Variants in LUZP2 observed in about 807,000 individuals in gnomAD.
The protein encoded by LUZP2 is leucine zipper protein 2.
Under a neutral mutation model 51.6 loss-of-function variants are expected in LUZP2, and 52 were observed. The observed-to-expected ratio is 1.01, with a 90% confidence interval of 0.81 to 1.27. The LOEUF (loss-of-function observed/expected upper bound fraction) is 1.27, where lower values mean the gene tolerates loss of function less well. Ranked by LOEUF, LUZP2 falls within the 50% of genes most tolerant of loss-of-function variation. The probability of loss-of-function intolerance (pLI) is 0.00; values close to 1 mark genes in which losing one functional copy is unlikely to be tolerated. For synonymous variants in LUZP2, 154 were observed against 137.3 expected, an observed-to-expected ratio of 1.12 and a Z score of -0.85; for missense variants, 436 against 395.4, an observed-to-expected ratio of 1.10 and a Z score of -0.87.
chr11:24,705,446 G>A (rs1187049232), intron 1 of LUZP2, among the ~76,000 whole-genome samples: 2 of 152,210 alleles, frequency 1.3e-5, no homozygotes, highest in African/African-American at 4.8e-5. Flanking sequence ...AGTATATAGT[G>A]TTCTAAGATG....
intron 1 of LUZP2, among the ~76,000 whole-genome samples, chr11:24,706,999 T>TA (rs756567659): frequency 0.16 from 9,973 of 61,826 alleles, 1,055 homozygotes; most frequent in African/African-American, 0.4. Flanking sequence ...TTGCTAAAAA[T>TA]AAAAAAAAAA....
intron 5 of LUZP2, among the ~76,000 whole-genome samples, chr11:24,888,440 A>G (rs533129182): frequency 5.9e-5 from 9 of 152,280 alleles, no homozygotes; most frequent in African/African-American, 2.2e-4. Flanking sequence ...GCTAATGTGT[A>G]AGCCATATTG....
intron 1 of LUZP2, among the ~76,000 whole-genome samples, chr11:24,552,248 G>T (rs1254284292): frequency 6.6e-6 from 1 of 152,108 alleles, no homozygotes; most frequent in South Asian, 2.1e-4. Context: ...CTAGATAAGT[G>T]AAGTTATTTT....
chr11:24,945,872 A>G (rs1366883035), intron 7 of LUZP2, among the ~76,000 whole-genome samples: 1 of 152,102 alleles, frequency 6.6e-6, no homozygotes, highest in African/African-American at 2.4e-5. Context: ...CTATGTTTTA[A>G]TTATATGCAC....
At chr11:24,724,403 C>G (rs1416153972) in intron 1 of LUZP2, among the ~76,000 whole-genome samples, 15 of 151,986 alleles carry the variant, frequency 9.9e-5, no homozygotes. Flanking sequence ...AACCCTCTCT[C>G]TACTAAGAAT....
intron 1 of LUZP2, among the ~76,000 whole-genome samples, chr11:24,499,327 T>G (rs888686112): frequency 3.9e-5 from 6 of 152,192 alleles, no homozygotes; most frequent in African/African-American, 1.4e-4. Context: ...TGAAAAGCAA[T>G]GCGGTACTAT....
chr11:24,766,051 A>G (rs961137049), intron 5 of LUZP2, among the ~76,000 whole-genome samples: 3 of 152,136 alleles, frequency 2.0e-5, no homozygotes, highest in Non-Finnish European at 2.9e-5. Flanking sequence ...GTAAACCACC[A>G]TGCCCTGCCA....
chr11:24,709,227 G>A (rs1030444928), intron 1 of LUZP2, among the ~76,000 whole-genome samples: 1 of 152,128 alleles, frequency 6.6e-6, no homozygotes, highest in South Asian at 2.1e-4. Flanking sequence ...AAATAGTAAT[G>A]TGTACAGTTT....
chr11:24,756,433 A>C (rs987285988), intron 4 of LUZP2, among the ~76,000 whole-genome samples: 1 of 152,174 alleles, frequency 6.6e-6, no homozygotes, highest in African/African-American at 2.4e-5. Context: ...TCCATATCTA[A>C]ATTCCACTGA....
At chr11:24,831,917 G>T (rs932835981) in intron 5 of LUZP2, 4 of 152,522 alleles carry the variant, frequency 2.6e-5, no homozygotes, top group African/African-American at 9.7e-5. Context: ...TCAAGGAAGA[G>T]ACCAAGAGAT....
intron 1 of LUZP2, among the ~76,000 whole-genome samples, chr11:24,582,636 G>T (rs1716739406): frequency 6.6e-6 from 1 of 151,960 alleles, no homozygotes. Context: ...CTTATAAGTG[G>T]TACCCAGCAG....
chr11:25,041,890 C>T (rs1415203373), intron 9 of LUZP2, among the ~76,000 whole-genome samples: 1 of 152,162 alleles, frequency 6.6e-6, no homozygotes. Flanking sequence ...ATTAGATTCT[C>T]ATAGGAGGGG....
intron 1 of LUZP2, among the ~76,000 whole-genome samples, chr11:24,670,891 G>A (rs1238488444): frequency 6.6e-6 from 1 of 151,780 alleles, no homozygotes; most frequent in Non-Finnish European, 1.5e-5. Flanking sequence ...TAGTTTCTAT[G>A]TAGCTATCTA....
At chr11:24,782,257 T>C (rs1849116168) in intron 5 of LUZP2, among the ~76,000 whole-genome samples, 2 of 152,038 alleles carry the variant, frequency 1.3e-5, no homozygotes, top group South Asian at 4.1e-4. Context: ...GAGTAACCTT[T>C]GTAGCATTAG....
At chr11:24,779,861 A>G (rs1849036955) in intron 5 of LUZP2, among the ~76,000 whole-genome samples, 1 of 152,118 alleles carries the variant, frequency 6.6e-6, no homozygotes. Flanking sequence ...AATTGATATG[A>G]AGACAGGGTG....
At chr11:24,779,779 C>A (rs748117018) in intron 5 of LUZP2, among the ~76,000 whole-genome samples, 1 of 151,980 alleles carries the variant, frequency 6.6e-6, no homozygotes, top group South Asian at 2.1e-4. Flanking sequence ...TTTCAGTAGA[C>A]CCTAAATGTA....
At chr11:24,601,720 G>T (rs901915747) in intron 1 of LUZP2, among the ~76,000 whole-genome samples, 74 of 150,970 alleles carry the variant, frequency 4.9e-4, no homozygotes, top group African/African-American at 1.8e-3. Context: ...TTTACTGCTA[G>T]CATTTACCAG....
At chr11:24,737,172 G>A (rs1375326395) in intron 3 of LUZP2, among the ~76,000 whole-genome samples, 2 of 152,002 alleles carry the variant, frequency 1.3e-5, no homozygotes, top group Non-Finnish European at 2.9e-5. Flanking sequence ...TCTTTCATAG[G>A]CATTGTGTTA....
chr11:24,536,621 T>C (rs1588346), intron 1 of LUZP2, among the ~76,000 whole-genome samples: 25,614 of 151,846 alleles, frequency 0.17, 2,340 homozygotes, highest in African/African-American at 0.21. Flanking sequence ...TAGATTTTGA[T>C]TTAATAGAAC....
Sources: gnomAD v4.1 joint callset for allele counts (sites outside exome capture counted in the v4.1 genomes callset) on GRCh38, gnomAD v4.1.1 for gene constraint, MANE v1.5 for transcripts, NCBI Gene and HGNC (gene_info 2026-07-23, HGNC 2026-07-21) for gene names.